Variants in ARHGAP26 observed in about 807,000 individuals in gnomAD.
The protein encoded by ARHGAP26 is Rho GTPase activating protein 26, also known as rho GTPase-activating protein 26.
Under a neutral mutation model 104.8 loss-of-function variants are expected in ARHGAP26, and 38 were observed. The ratio of observed to expected loss-of-function variants is 0.36; its 90% CI spans 0.28 to 0.48. ARHGAP26 has a LOEUF of 0.48. ARHGAP26 is among the 20% of genes least tolerant of loss of function. The probability of loss-of-function intolerance (pLI) is 0.99; values close to 1 mark genes in which losing one functional copy is unlikely to be tolerated. For synonymous variants in ARHGAP26, 341 were observed against 340.0 expected (o/e 1.00, Z -0.03); for missense variants, 704 against 947.9 (o/e 0.74, Z 3.38).
At chr5:143,182,913 A>G (rs1399438490) in intron 20 of ARHGAP26, among the ~76,000 whole-genome samples, 2 of 152,152 alleles carry the variant, frequency 1.3e-5, no homozygotes, top group Non-Finnish European at 2.9e-5. Flanking sequence ...CCTGTGTGAC[A>G]TAGATCCTTT....
chr5:143,040,738 G>C (rs1488197394), intron 13 of ARHGAP26, among the ~76,000 whole-genome samples: 1 of 152,222 alleles, frequency 6.6e-6, no homozygotes, highest in African/African-American at 2.4e-5. Context: ...GAGCAGTCCA[G>C]GTAGAGGAAA....
chr5:143,092,403 A>T (rs1037062537), intron 17 of ARHGAP26, among the ~76,000 whole-genome samples: 2 of 152,096 alleles, frequency 1.3e-5, no homozygotes, highest in Non-Finnish European at 2.9e-5. Context: ...TGACCTCGTG[A>T]TCCGCCCACC....
intron 1 of ARHGAP26, among the ~76,000 whole-genome samples, chr5:142,861,216 C>T (rs917138556): frequency 2.0e-5 from 3 of 152,044 alleles, no homozygotes; most frequent in Admixed American, 6.5e-5. Context: ...CTCAGGCTTC[C>T]GTTCTTGGTC....
At chr5:143,070,675 C>T (rs1456515031) in intron 17 of ARHGAP26, among the ~76,000 whole-genome samples, 6 of 152,142 alleles carry the variant, frequency 3.9e-5, no homozygotes, top group East Asian at 1.9e-4. Flanking sequence ...TTTGGGAGGC[C>T]GAGATGGATG....
intron 5 of ARHGAP26, among the ~76,000 whole-genome samples, chr5:142,889,362 C>T (rs1758161162): frequency 6.6e-6 from 1 of 152,142 alleles, no homozygotes; most frequent in South Asian, 2.1e-4. Context: ...CCTGTAATCC[C>T]AGCACTTTGG....
intron 11 of ARHGAP26, among the ~76,000 whole-genome samples, chr5:142,958,632 A>C (rs1015300422): frequency 6.6e-6 from 1 of 152,192 alleles, no homozygotes; most frequent in Non-Finnish European, 1.5e-5. Flanking sequence ...GCACCACTGC[A>C]CTCCAGCCTG....
Position 143,226,582 on chromosome 5 carries a change from CAGA to C in ARHGAP26, c.*4140_*4142del, listed in dbSNP as rs563686355. On this transcript the variant is annotated 3_prime_UTR_variant, in exon 23 of 23. Transcript: ENST00000645722. ...AAGTAAAACCCTGACTTGCTCAAGACAGAAGATCTTTTCTCCTGTTTTTCAAAA... is the reference window on the plus strand; with the variant it reads ...AAGTAAAACCCTGACTTGCTCAAGACAGATCTTTTCTCCTGTTTTTCAAAA... 2.2e-4 allele frequency: 45 copies of C among 205,828 alleles called. No homozygotes were observed. Among genetic ancestry groups the C allele is most frequent in the Middle Eastern group, 1.7e-3 (1 of 606 alleles). 12.8% of individuals were successfully genotyped at this position (205,828 alleles called of 1,614,324 possible).
At chr5:142,922,474 T>G (rs1457614053) in intron 10 of ARHGAP26, among the ~76,000 whole-genome samples, 1 of 152,054 alleles carries the variant, frequency 6.6e-6, no homozygotes, top group Non-Finnish European at 1.5e-5. Context: ...CATGAGAGTA[T>G]TATTCCTTAA....
intron 1 of ARHGAP26, among the ~76,000 whole-genome samples, chr5:142,833,234 T>C (rs1768865243): frequency 6.6e-6 from 1 of 151,178 alleles, no homozygotes; most frequent in Non-Finnish European, 1.5e-5. Context: ...TTTTTTTTTT[T>C]TTTTTTAGTA....
At chr5:142,773,712 A>C (rs926927737) in intron 1 of ARHGAP26, among the ~76,000 whole-genome samples, 1 of 152,174 alleles carries the variant, frequency 6.6e-6, no homozygotes, top group Admixed American at 6.5e-5. Context: ...GACAGATGAG[A>C]GTGGCTGAAT....
At chr5:142,864,051 T>C (rs1753830864) in intron 1 of ARHGAP26, among the ~76,000 whole-genome samples, 1 of 151,862 alleles carries the variant, frequency 6.6e-6, no homozygotes, top group Non-Finnish European at 1.5e-5. Flanking sequence ...CCCCTACCGG[T>C]TTTTCCAGCC....
At position 142,871,968 on chromosome 5, in the gene ARHGAP26, G is replaced by C. The variant is rs1020009280; in HGVS notation, c.155-1432G>C. On this transcript the variant is annotated intron_variant, in intron 1 of 22. Transcript: ENST00000645722. The surrounding 1 kb of genome is among the most constrained non-coding windows in gnomAD (Gnocchi z 4.1). ...TATCTCGGGACCGTGTCATCACAGC[G>C]TGTGGGAGGGCAGTCCAGGAGCAGG... is the stretch of plus-strand genomic sequence containing the variant. 1.3e-5 allele frequency among the ~76,000 whole-genome samples: 2 copies of C among 152,188 alleles called. No homozygotes were observed. Among genetic ancestry groups the C allele is most frequent in the Non-Finnish European group, 2.9e-5 (2 of 68,030 alleles).
intron 1 of ARHGAP26, among the ~76,000 whole-genome samples, chr5:142,847,229 T>C (rs1772161821): frequency 6.6e-6 from 1 of 152,192 alleles, no homozygotes; most frequent in African/African-American, 2.4e-5. Flanking sequence ...AAGATCTCAA[T>C]AAAAGGTGGC....
chr5:142,784,465 T>C (rs1433918703), intron 1 of ARHGAP26, among the ~76,000 whole-genome samples: 1 of 152,198 alleles, frequency 6.6e-6, no homozygotes, highest in East Asian at 1.9e-4. Context: ...CAGTTGAAGA[T>C]AACTTAAATT....
At chr5:143,136,166 A>G (rs1308849813) in intron 19 of ARHGAP26, among the ~76,000 whole-genome samples, 2 of 152,364 alleles carry the variant, frequency 1.3e-5, no homozygotes, top group Admixed American at 1.3e-4. Context: ...TAGGCTTTAA[A>G]GCATTCTCTG....
chr5:143,031,660 T>C (rs1598722566), intron 12 of ARHGAP26, among the ~76,000 whole-genome samples: 1 of 152,016 alleles, frequency 6.6e-6, no homozygotes, highest in Middle Eastern at 3.4e-3. Context: ...GCGTTGACCT[T>C]ATGGTTGTAT....
intron 17 of ARHGAP26, among the ~76,000 whole-genome samples, chr5:143,115,939 C>T (rs537006341): frequency 6.6e-6 from 1 of 152,234 alleles, no homozygotes; most frequent in Non-Finnish European, 1.5e-5. Context: ...CAGTATTTCT[C>T]AAATAGTAGT....
chr5:142,930,488 T>G (rs1764550552), intron 10 of ARHGAP26, among the ~76,000 whole-genome samples: 1 of 152,100 alleles, frequency 6.6e-6, no homozygotes, highest in African/African-American at 2.4e-5. Context: ...GTGGTGCCAG[T>G]CCCAGTGTGA....
chr5:143,182,282 T>C (rs1804496673), intron 20 of ARHGAP26, among the ~76,000 whole-genome samples: 1 of 152,214 alleles, frequency 6.6e-6, no homozygotes, highest in South Asian at 2.1e-4. Context: ...GTTGGCCTTA[T>C]CTTGAACAGT....
Sources: allele counts gnomAD v4.1 joint callset (sites outside exome capture counted in the v4.1 genomes callset), GRCh38; gene constraint gnomAD v4.1.1; non-coding constraint Gnocchi (gnomAD v3.1); transcripts MANE v1.5; gene names NCBI Gene and HGNC (gene_info 2026-07-23, HGNC 2026-07-21).